Variants in NXPE4 observed in about 807,000 individuals in gnomAD.
The protein encoded by NXPE4 is neurexophilin and PC-esterase domain family member 4.
In NXPE4, 42 loss-of-function variants were observed where a neutral mutation model predicts 33.3. The observed-to-expected ratio is 1.26, with a 90% CI of 0.98 to 1.63. The LOEUF (loss-of-function observed/expected upper bound fraction) is 1.63. NXPE4 is among the 40% of genes most tolerant of loss of function. The probability of loss-of-function intolerance (pLI) is 0.00; values close to 1 mark genes in which losing one functional copy is unlikely to be tolerated. For synonymous variants in NXPE4, 253 were observed against 234.9 expected (o/e 1.08, Z -0.71); for missense variants, 709 against 647.6 (o/e 1.09, Z -1.03).
chr11:114,621,604 G>A, the NXPE4 span, among the ~76,000 whole-genome samples: 1 of 152,088 alleles, frequency 6.6e-6, no homozygotes, highest in African/African-American at 2.4e-5. Flanking sequence ...TTTCCTCTAG[G>A]GTAACCACTG....
At chr11:114,618,197 G>C in the NXPE4 span, among the ~76,000 whole-genome samples, 1 of 151,936 alleles carries the variant, frequency 6.6e-6, no homozygotes, top group Non-Finnish European at 1.5e-5. Flanking sequence ...ACTAAGTATT[G>C]CCTCATTGGT....
the NXPE4 span, among the ~76,000 whole-genome samples, chr11:114,612,436 G>A: frequency 6.6e-6 from 1 of 151,510 alleles, no homozygotes. Flanking sequence ...TTGCCTCGTG[G>A]GTCACCACTG....
the NXPE4 span, among the ~76,000 whole-genome samples, chr11:114,603,922 T>C: frequency 6.6e-6 from 1 of 151,364 alleles, no homozygotes; most frequent in African/African-American, 2.4e-5. Context: ...TAACTGCTAA[T>C]ACCTGGTGGA....
intron 5 of NXPE4, among the ~76,000 whole-genome samples, chr11:114,575,376 C>T (rs188390763): frequency 5.3e-5 from 8 of 151,926 alleles, no homozygotes; most frequent in African/African-American, 1.7e-4. Context: ...AAAGGACATC[C>T]GAATTGGTAA....
chr11:114,603,225 G>C, the NXPE4 span, among the ~76,000 whole-genome samples: 4 of 151,814 alleles, frequency 2.6e-5, no homozygotes, highest in African/African-American at 9.7e-5. Context: ...TTACCTGGTG[G>C]ATGATAAGTA....
At chr11:114,610,992 C>T in the NXPE4 span, among the ~76,000 whole-genome samples, 5 of 151,376 alleles carry the variant, frequency 3.3e-5, no homozygotes, top group Non-Finnish European at 7.4e-5. Flanking sequence ...CACTGTTACC[C>T]ACTGGATAAT....
At chr11:114,611,161 A>T in the NXPE4 span, among the ~76,000 whole-genome samples, 1 of 151,648 alleles carries the variant, frequency 6.6e-6, no homozygotes, top group African/African-American at 2.4e-5. Context: ...GGAGGATAAT[A>T]AGGACTGTCT....
At chr11:114,610,120 C>T in the NXPE4 span, among the ~76,000 whole-genome samples, 1,220 of 150,886 alleles carry the variant, frequency 8.1e-3, 40 homozygotes, top group Middle Eastern at 0.04. Flanking sequence ...GTGGGTAACC[C>T]GTTACCCCGT....
chr11:114,657,175 C>T, the NXPE4 span, among the ~76,000 whole-genome samples: 1 of 152,154 alleles, frequency 6.6e-6, no homozygotes, highest in South Asian at 2.1e-4. Flanking sequence ...TTTTCAGATG[C>T]TAGGACCTCC....
chr11:114,651,058 T>C, the NXPE4 span, among the ~76,000 whole-genome samples: 1 of 151,724 alleles, frequency 6.6e-6, no homozygotes, highest in South Asian at 2.1e-4. Flanking sequence ...AATAATATAA[T>C]AGCTAGCATA....
chr11:114,582,734 T>C lies in NXPE4; in HGVS notation c.384A>G (p.Gly128=). 1 of 1,614,122 alleles carries C rather than the reference T, an allele frequency of 6.2e-7. No homozygotes were observed. Among genetic ancestry groups the C allele is most frequent in the Non-Finnish European group, 8.5e-7 (1 of 1,179,994 alleles). The change falls in exon 3 of 6, where the codon GGA becomes GGG. Residue 128 remains glycine (G), a synonymous_variant. Transcript: ENST00000375478. ...AATCCCCGCCATATTGCTTCCTGCG[T>C]CCCAAGTGGTCCCTCACCTCCAGCA... is the stretch of plus-strand genomic sequence containing the variant. ...HILLEVRDHL[G]RRKQYGGDFL...
the NXPE4 span, among the ~76,000 whole-genome samples, chr11:114,640,032 AATTAT>A: frequency 1.7e-5 from 2 of 119,498 alleles, no homozygotes; most frequent in South Asian, 2.5e-4. Flanking sequence ...AATGTAACAT[AATTAT>A]ATTATTTTAT....
chr11:114,639,668 T>G, the NXPE4 span, among the ~76,000 whole-genome samples: 1 of 141,984 alleles, frequency 7.0e-6, no homozygotes, highest in African/African-American at 2.6e-5. Context: ...TTACTTGTAT[T>G]ATATATGTAA....
chr11:114,636,585 C>G, the NXPE4 span, among the ~76,000 whole-genome samples: 1 of 151,764 alleles, frequency 6.6e-6, no homozygotes, highest in African/African-American at 2.4e-5. Context: ...TTCCTGCTTT[C>G]TCTTGTGGGC....
the NXPE4 span, among the ~76,000 whole-genome samples, chr11:114,632,732 T>C: frequency 9.1e-5 from 6 of 66,004 alleles, 1 homozygote; most frequent in Non-Finnish European, 1.3e-4. Flanking sequence ...TAATATATAA[T>C]ATATATAAAA....
chr11:114,639,252 G>A, the NXPE4 span, among the ~76,000 whole-genome samples: 2 of 151,910 alleles, frequency 1.3e-5, no homozygotes, highest in South Asian at 2.1e-4. Flanking sequence ...AGACTCTGTG[G>A]GCATAGGACC....
chr11:114,638,799 G>A, the NXPE4 span, among the ~76,000 whole-genome samples: 1 of 152,010 alleles, frequency 6.6e-6, no homozygotes, highest in African/African-American at 2.4e-5. Context: ...AACCGTGAAT[G>A]CTGCTGTCTG....
chr11:114,619,294 G>A, the NXPE4 span, among the ~76,000 whole-genome samples: 12,888 of 151,974 alleles, frequency 0.085, 659 homozygotes, highest in Middle Eastern at 0.2. Context: ...GTATTGCCTC[G>A]TGGGTAACCA....
chr11:114,580,340 T>A lies in NXPE4; in HGVS notation c.893-2A>T. Reference sequence around the variant, plus strand: ...TCTCTTTCATTGCAACTGTTTCTTCTGCCAAAGAATCAATGAGATAGGATC... The same window carrying A: ...TCTCTTTCATTGCAACTGTTTCTTCAGCCAAAGAATCAATGAGATAGGATC... On this transcript the variant is annotated splice_acceptor_variant, in intron 4 of 5. Coordinates refer to ENST00000375478, the MANE Select transcript of NXPE4 (RefSeq NM_001077639.2). LOFTEE classifies it high-confidence loss of function. 1 of 1,613,334 alleles carries A rather than the reference T, an allele frequency of 6.2e-7. No homozygotes were observed. Among genetic ancestry groups the A allele is most frequent in the Non-Finnish European group, 8.5e-7 (1 of 1,179,446 alleles).
Sources: gnomAD v4.1 joint callset for allele counts (sites outside exome capture counted in the v4.1 genomes callset) on GRCh38, gnomAD v4.1.1 for gene constraint, MANE v1.5 for transcripts, NCBI Gene and HGNC (gene_info 2026-07-23, HGNC 2026-07-21) for gene names.